CACNA2D3: variants seen among roughly 807,000 people sequenced by gnomAD.
The protein encoded by CACNA2D3 is voltage-dependent calcium channel subunit alpha-2/delta-3.
Under a neutral mutation model 160.6 loss-of-function variants are expected in CACNA2D3, and 60 were observed. The observed-to-expected ratio is 0.37, with a 90% CI of 0.30 to 0.46. CACNA2D3 has a LOEUF of 0.46. Among genes scored for constraint, CACNA2D3 ranks in the 20% least tolerant of loss-of-function variants. CACNA2D3 has a pLI of 1.00. For synonymous variants in CACNA2D3, 558 were observed against 492.9 expected (o/e 1.13, Z -1.75); for missense variants, 1,205 against 1,365.0 (o/e 0.88, Z 1.85).
At chr3:54,783,927 G>C (rs905974761) in intron 13 of CACNA2D3, among the ~76,000 whole-genome samples, 5 of 152,066 alleles carry the variant, frequency 3.3e-5, no homozygotes, top group Non-Finnish European at 7.4e-5. Flanking sequence ...GGATTTTGAT[G>C]GTGTTATCAC....
chr3:54,133,961 G>A (rs560423013), intron 2 of CACNA2D3, among the ~76,000 whole-genome samples: 1 of 152,340 alleles, frequency 6.6e-6, no homozygotes, highest in Admixed American at 6.5e-5. Flanking sequence ...ATTAAGTACG[G>A]AGGCATGTGA....
At chr3:54,335,553 T>A (rs1462906503) in intron 3 of CACNA2D3, among the ~76,000 whole-genome samples, 1 of 152,038 alleles carries the variant, frequency 6.6e-6, no homozygotes, top group Admixed American at 6.6e-5. Flanking sequence ...TTTTGGTGGG[T>A]TTTGGCCAGC....
chr3:54,653,886 A>G (rs1313980709), intron 11 of CACNA2D3, among the ~76,000 whole-genome samples: 1 of 152,086 alleles, frequency 6.6e-6, no homozygotes, highest in African/African-American at 2.4e-5. Flanking sequence ...GGTGACCTCC[A>G]CCATCCTCTA....
chr3:54,471,860 G>A (rs930291997), intron 4 of CACNA2D3, among the ~76,000 whole-genome samples: 3 of 152,082 alleles, frequency 2.0e-5, no homozygotes, highest in African/African-American at 2.4e-5. Context: ...GGAAGAAGTC[G>A]AATCCCTAAA....
At chr3:54,733,588 T>G (rs1701435823) in intron 11 of CACNA2D3, among the ~76,000 whole-genome samples, 1 of 152,218 alleles carries the variant, frequency 6.6e-6, no homozygotes, top group Non-Finnish European at 1.5e-5. Flanking sequence ...TCCCGGGCCC[T>G]TTCACATTCA....
At chr3:54,963,165 C>T (rs1459642645) in intron 27 of CACNA2D3, among the ~76,000 whole-genome samples, 1 of 152,146 alleles carries the variant, frequency 6.6e-6, no homozygotes, top group African/African-American at 2.4e-5. Flanking sequence ...AGGGTTCATT[C>T]AAACTCATTT....
chr3:54,541,672 G>C (rs952551790), intron 5 of CACNA2D3, among the ~76,000 whole-genome samples: 3 of 152,292 alleles, frequency 2.0e-5, no homozygotes, highest in Non-Finnish European at 4.4e-5. Flanking sequence ...TCAAGTTACC[G>C]TCACGTGGTG....
intron 2 of CACNA2D3, among the ~76,000 whole-genome samples, chr3:54,286,204 C>T (rs1703020912): frequency 6.6e-6 from 1 of 152,116 alleles, no homozygotes; most frequent in Non-Finnish European, 1.5e-5. Context: ...GAATGTATAA[C>T]TAGAATAACC....
intron 35 of CACNA2D3, among the ~76,000 whole-genome samples, chr3:55,056,833 G>T (rs1704372551): frequency 6.6e-6 from 1 of 152,150 alleles, no homozygotes; most frequent in Non-Finnish European, 1.5e-5. Flanking sequence ...TGTTTGAAGG[G>T]TAAAAAATCT....
chr3:54,840,719 ATTTTTTTTTTT>A (rs35529003), intron 16 of CACNA2D3, among the ~76,000 whole-genome samples: 1 of 85,740 alleles, frequency 1.2e-5, no homozygotes, highest in Non-Finnish European at 2.2e-5. Context: ...AAGAGCCATG[ATTTTTTTTTTT>A]TTTTTTTTTG....
chr3:54,935,739 C>G (rs1701312324), intron 27 of CACNA2D3, among the ~76,000 whole-genome samples: 1 of 152,256 alleles, frequency 6.6e-6, no homozygotes, highest in East Asian at 1.9e-4. Flanking sequence ...ATGTATGTTT[C>G]ATATTTTTAA....
At chr3:54,405,313 G>C (rs547061692) in intron 4 of CACNA2D3, among the ~76,000 whole-genome samples, 3 of 146,104 alleles carry the variant, frequency 2.1e-5, no homozygotes, top group Admixed American at 6.8e-5. Context: ...CACATTTCCT[G>C]TTAAAATTAT....
chr3:54,699,294 G>A (rs1700722087), intron 11 of CACNA2D3, among the ~76,000 whole-genome samples: 1 of 152,218 alleles, frequency 6.6e-6, no homozygotes. Flanking sequence ...TGCTGGAGGA[G>A]CAAGGGGGAA....
intron 11 of CACNA2D3, among the ~76,000 whole-genome samples, chr3:54,698,890 C>T (rs745723027): frequency 1.5e-4 from 23 of 151,970 alleles, no homozygotes; most frequent in Non-Finnish European, 2.9e-4. Flanking sequence ...CATACAAGGA[C>T]GTATGGGAGA....
chr3:54,262,234 CA>C (rs767980966), intron 2 of CACNA2D3, among the ~76,000 whole-genome samples: 7 of 152,108 alleles, frequency 4.6e-5, no homozygotes, highest in Non-Finnish European at 8.8e-5. Flanking sequence ...TATCATATCA[CA>C]AACTCAGGCT....
At chr3:54,718,416 G>T (rs1575439003) in intron 11 of CACNA2D3, among the ~76,000 whole-genome samples, 1 of 151,968 alleles carries the variant, frequency 6.6e-6, no homozygotes, top group South Asian at 2.1e-4. Flanking sequence ...ATTAATTATG[G>T]CTTATTTTTC....
intron 34 of CACNA2D3, among the ~76,000 whole-genome samples, chr3:55,011,167 C>G (rs1364778345): frequency 6.6e-6 from 1 of 152,244 alleles, no homozygotes; most frequent in African/African-American, 2.4e-5. Context: ...AGTTTGCTCT[C>G]TGATAACTGG....
intron 9 of CACNA2D3, among the ~76,000 whole-genome samples, chr3:54,605,449 A>G (rs1167849812): frequency 6.6e-6 from 1 of 152,098 alleles, no homozygotes; most frequent in Non-Finnish European, 1.5e-5. Flanking sequence ...CCAGCATTTC[A>G]GACATGCAAT....
At chr3:54,857,666 G>C (rs1699202298) in intron 17 of CACNA2D3, among the ~76,000 whole-genome samples, 1 of 152,170 alleles carries the variant, frequency 6.6e-6, no homozygotes, top group Admixed American at 6.5e-5. Context: ...CTTTGCACTT[G>C]AATCCTGTTC....
Sources: gnomAD v4.1 joint callset for allele counts (sites outside exome capture counted in the v4.1 genomes callset) on GRCh38, gnomAD v4.1.1 for gene constraint, MANE v1.5 for transcripts, NCBI Gene and HGNC (gene_info 2026-07-23, HGNC 2026-07-21) for gene names.